Variants in SCARF1 observed in about 807,000 individuals in gnomAD.
The protein encoded by SCARF1 is scavenger receptor class F member 1.
A neutral mutation model predicts 76.3 loss-of-function variants in SCARF1; 49 were observed. That is an observed-to-expected ratio of 0.64 (90% CI 0.51 to 0.81). The LOEUF (loss-of-function observed/expected upper bound fraction) is 0.81, where lower values mean the gene tolerates loss of function less well. SCARF1 is among the 40% of genes least tolerant of loss of function. SCARF1 has a pLI of 0.00. For synonymous variants in SCARF1, 495 were observed against 474.6 expected (o/e 1.04, Z -0.56); for missense variants, 1,098 against 1,143.9 (o/e 0.96, Z 0.58).
chr17:1,642,398 T>C (rs1352611417), intron 4 of SCARF1, among the ~76,000 whole-genome samples: 2 of 137,590 alleles, frequency 1.5e-5, no homozygotes, highest in South Asian at 2.3e-4. Context: ...TGTGATTCCA[T>C]TGTTCAACTC....
chr17:1,645,077 C>T lies in SCARF1; in HGVS notation c.163+101G>A, dbSNP rs984548607. ...TGCGTCACAGGAGAAACCCTGACTCCTGGTATCAGGAGGGGCAGGCCCCAT... is the reference window on the plus strand; with the variant it reads ...TGCGTCACAGGAGAAACCCTGACTCTTGGTATCAGGAGGGGCAGGCCCCAT... On this transcript the variant is annotated intron_variant, in intron 2 of 10. Coordinates refer to ENST00000263071, the MANE Select transcript of SCARF1 (RefSeq NM_003693.4). This position sits in a 1 kb window ranked among gnomAD's most constrained non-coding sequence, Gnocchi z 6.3. 1 of 1,556,820 alleles carries T rather than the reference C, an allele frequency of 6.4e-7. No homozygotes were observed. The highest frequency in any genetic ancestry group is 1.4e-5 in the African/African-American group (1 of 73,826).
intron 7 of SCARF1, 57 bp from the exon 8 acceptor site, chr17:1,638,983 C>A (rs1236675919): frequency 6.7e-7 from 1 of 1,487,370 alleles, no homozygotes; most frequent in Non-Finnish European, 9.0e-7. Flanking sequence ...CACATCCTGT[C>A]TTTGCTCTGA....
In SCARF1 at chr17:1,634,800, C is replaced by G; in HGVS notation, c.2451G>C (p.Glu817Asp). The change falls in exon 11 of 11, where the codon GAG becomes GAC. Residue 817 changes from glutamate to aspartate, a missense_variant. By Grantham distance (45) the Glu-to-Asp change is conservative. Transcript: ENST00000263071. The stretch of plus-strand genomic sequence containing the variant: ...TGGAGATGGGTACAACATTCTCATA[C>G]TCAGGTTCCTCCTGCCTTTCCTCTT... The part of the protein sequence containing the change: ...QAEEERQEEP[E>D]YENVVPISRP... 1 of 1,610,826 alleles carries G rather than the reference C, an allele frequency of 6.2e-7. No homozygotes were observed. Among genetic ancestry groups the G allele is most frequent in the Middle Eastern group, 1.7e-4 (1 of 6,032 alleles).
At position 1,640,124 on chromosome 17, in the gene SCARF1, C is replaced by T. The variant is rs1456896615; in HGVS notation, c.1011-84G>A. The stretch of plus-strand genomic sequence containing the variant: ...GGGCCCCACCCCTCCGCCCCACGCT[C>T]CTGGACTCAAGGACCCAACTGGCCA... On this transcript the variant is annotated intron_variant, in intron 5 of 10. Transcript: ENST00000263071. This position sits in a 1 kb window ranked among gnomAD's most constrained non-coding sequence, Gnocchi z 4.7. The T allele has an allele frequency of 2.0e-6, 3 of 1,516,278 alleles. No homozygotes were observed. Among genetic ancestry groups the T allele is most frequent in the African/African-American group, 2.8e-5 (2 of 72,364 alleles). 93.9% of individuals were successfully genotyped at this position (1,516,278 alleles called of 1,614,324 possible). A position where few individuals can be genotyped will look rare whatever the true frequency, so the allele number is the denominator to read the frequency against.
chr17:1,635,868 C>T (rs997948991), intron 10 of SCARF1, among the ~76,000 whole-genome samples: 2 of 151,834 alleles, frequency 1.3e-5, no homozygotes, highest in East Asian at 1.9e-4. Context: ...GCAGTCCTCC[C>T]GCCTCAGCCT....
In SCARF1 at chr17:1,640,236, C is replaced by T. The variant is rs764131071; in HGVS notation, c.1011-196G>A. On this transcript the variant is annotated intron_variant, in intron 5 of 10. Coordinates refer to ENST00000263071, the MANE Select transcript of SCARF1 (RefSeq NM_003693.4). The surrounding 1 kb of genome is among the most constrained non-coding windows in gnomAD (Gnocchi z 4.7). Reference sequence around the variant, plus strand: ...TGACAGACTACAAGTCCCCAGAGGGCGAGGAGGGCAGGAAGCCTCAGAGGG... The same window carrying T: ...TGACAGACTACAAGTCCCCAGAGGGTGAGGAGGGCAGGAAGCCTCAGAGGG... 5.0e-5 allele frequency: 39 copies of T among 777,368 alleles called. No homozygotes were observed. The highest frequency in any genetic ancestry group is 1.9e-4 in the African/African-American group (11 of 56,966). 48.2% of individuals were successfully genotyped at this position (777,368 alleles called of 1,614,324 possible). A position where few individuals can be genotyped will look rare whatever the true frequency, so the allele number is the denominator to read the frequency against.
At position 1,644,107 on chromosome 17, in the gene SCARF1, C is replaced by T; in HGVS notation, c.266-140G>A. ...ACAGACCCTCAGAACATCCGGCAGC[C>T]TGTCCTGGGCAACACTCACTTCCTG... On this transcript the variant is annotated intron_variant, in intron 3 of 10. Transcript: ENST00000263071. This position sits in a 1 kb window ranked among gnomAD's most constrained non-coding sequence, Gnocchi z 4.8. The T allele has an allele frequency of 1.6e-6, 1 of 619,992 alleles. No individual in the cohort carries two copies. The highest frequency in any genetic ancestry group is 2.3e-6 in the Non-Finnish European group (1 of 426,278). 38.4% of individuals were successfully genotyped at this position (619,992 alleles called of 1,614,324 possible).
At position 1,634,665 on chromosome 17, in the gene SCARF1, G is replaced by C. The variant is rs1909363266; in HGVS notation, c.*93C>G. 6.8e-7 allele frequency: 1 copy of C among 1,466,712 alleles called. No homozygotes were observed. The highest frequency in any genetic ancestry group is 9.1e-7 in the Non-Finnish European group (1 of 1,101,248). The allele number at this position is 1,466,712 out of a possible 1,614,324, so 90.9% of individuals were successfully genotyped here. ...GCCTTTTCCCTGTGGAGGCGCAGAG[G>C]CTCTGGTTTGTCTGTCCTGGCCCCG... On this transcript the variant is annotated 3_prime_UTR_variant, in exon 11 of 11. Transcript: ENST00000263071.
chr17:1,638,889 G>C lies in SCARF1; in HGVS notation c.1281C>G (p.Ser427Arg), dbSNP rs753912025. 6.2e-7 allele frequency: 1 copy of C among 1,610,254 alleles called. No individual in the cohort carries two copies. The highest frequency in any genetic ancestry group is 8.5e-7 in the Non-Finnish European group (1 of 1,177,892). ...GSRDTALIAG[S>R]LVPLLLLFLG... ...GGAAGAGCAGCAGCAGAGGCACAAG[G>C]CTGCCCGCGATGAGGGCAGTGTCCC... Residue 427 changes from serine (S) to arginine (R), a missense_variant, in exon 8 of 11, where the codon AGC becomes AGG. By Grantham distance (110) the Ser-to-Arg change is moderately radical. Transcript: ENST00000263071.
intron 7 of SCARF1, 33 bp downstream of exon 7, chr17:1,639,606 G>A: frequency 6.7e-6 from 10 of 1,496,726 alleles, no homozygotes; most frequent in Non-Finnish European, 9.1e-6. Flanking sequence ...CCTTTCCCTG[G>A]CTACTGCACC....
intron 4 of SCARF1, among the ~76,000 whole-genome samples, chr17:1,641,843 T>C (rs1910078899): frequency 6.6e-6 from 1 of 152,218 alleles, no homozygotes; most frequent in Admixed American, 6.5e-5. Context: ...TGCCTCAGCC[T>C]CCCAAGTAGC....
Position 1,645,442 on chromosome 17 carries a change from G to T in SCARF1, c.101+155C>A. 1 of 1,503,862 alleles carries T rather than the reference G, an allele frequency of 6.6e-7. No homozygotes were observed. The highest frequency in any genetic ancestry group is 8.9e-7 in the Non-Finnish European group (1 of 1,125,292). 93.2% of individuals were successfully genotyped at this position (1,503,862 alleles called of 1,614,324 possible). On this transcript the variant is annotated intron_variant, in intron 1 of 10. Coordinates refer to ENST00000263071, the MANE Select transcript of SCARF1 (RefSeq NM_003693.4). The surrounding 1 kb of genome is among the most constrained non-coding windows in gnomAD (Gnocchi z 6.3). The stretch of plus-strand genomic sequence containing the variant: ...CATCTGCCCTGGCTGGCCACTACCT[G>T]CCAGACCGCCATCAGCAGTCCCTTC...
chr17:1,641,405 CTCCCACTGAT>C (rs1046147373), intron 4 of SCARF1, among the ~76,000 whole-genome samples: 11 of 152,180 alleles, frequency 7.2e-5, no homozygotes, highest in Non-Finnish European at 1.3e-4. Flanking sequence ...AAGCTCAGGG[CTCCCACTGAT>C]TCTATATTAT....
Position 1,640,291 on chromosome 17 carries a change from C to G in SCARF1, c.1010+157G>C, listed in dbSNP as rs371739395. On this transcript the variant is annotated intron_variant, in intron 5 of 10. Coordinates refer to ENST00000263071, the MANE Select transcript of SCARF1 (RefSeq NM_003693.4). The surrounding 1 kb of genome is among the most constrained non-coding windows in gnomAD (Gnocchi z 4.7). ...GAGCTGGGATCCTGCCCAGGCCCCC[C>G]CAGAACCCACTGCTCTCCCCCAGTC... The G allele has an allele frequency of 6.2e-4, 508 of 817,340 alleles. 1 individual carries two copies. In the East Asian group the frequency reaches 0.011, roughly 17 times the overall value. 50.6% of individuals were successfully genotyped at this position (817,340 alleles called of 1,614,324 possible). A position where few individuals can be genotyped will look rare whatever the true frequency, so the allele number is the denominator to read the frequency against.
In SCARF1 at chr17:1,643,671, GC is replaced by G. The variant is rs1302084657; in HGVS notation, c.561del (p.Arg188AlafsTer179). On this transcript the variant is annotated frameshift_variant, in exon 4 of 11. Transcript: ENST00000263071. LOFTEE classifies it high-confidence loss of function. Reference sequence around the variant, plus strand: ...CAGTTGCAGCGGAAGCTGCAGCGGCGCCCCCACCAGCCCGGCTTGCACACGC... The same window carrying G: ...CAGTTGCAGCGGAAGCTGCAGCGGCGCCCCACCAGCCCGGCTTGCACACGC... Reference protein sequence around the residue: ...GACVCKPGWWGRRCSFRCNCH... With the variant: ...GACVCKPGWWXRRCSFRCNCH... 1 of 1,464,124 alleles carries G rather than the reference GC, an allele frequency of 6.8e-7. No homozygotes were observed. The allele number at this position is 1,464,124 out of a possible 1,614,324, so 90.7% of individuals were successfully genotyped here.
chr17:1,638,668 CAG>C, intron 8 of SCARF1, 136 bp downstream of exon 8: 16 of 1,223,554 alleles, frequency 1.3e-5, no homozygotes, highest in Non-Finnish European at 1.4e-5. Context: ...GCGACAAGGC[CAG>C]CCCTCCCCAC....
Position 1,640,599 on chromosome 17 carries a change from C to T in SCARF1, c.859G>A (p.Gly287Ser). The change falls in exon 5 of 11, where the codon GGC becomes AGC. Residue 287 changes from glycine to serine, a missense_variant. Transcript: ENST00000263071. This position sits in a 1 kb window ranked among gnomAD's most constrained non-coding sequence, Gnocchi z 4.7. ...TGCTGGCACTGGGTCCCGTTCCAGC[C>T]CGGCTCGCAGGACTCACAGCTGCCT... ...DTGSCESCEP[G>S]WNGTQCQQPC... 6.2e-7 allele frequency: 1 copy of T among 1,612,316 alleles called. No individual in the cohort carries two copies. The highest frequency in any genetic ancestry group is 8.5e-7 in the Non-Finnish European group (1 of 1,179,706).
chr17:1,640,239 G>A lies in SCARF1; in HGVS notation c.1011-199C>T. On this transcript the variant is annotated intron_variant, in intron 5 of 10. Coordinates refer to ENST00000263071, the MANE Select transcript of SCARF1 (RefSeq NM_003693.4). This position sits in a 1 kb window ranked among gnomAD's most constrained non-coding sequence, Gnocchi z 4.7. ...CAGACTACAAGTCCCCAGAGGGCGA[G>A]GAGGGCAGGAAGCCTCAGAGGGGAG... 3.9e-6 allele frequency: 3 copies of A among 771,716 alleles called. No homozygotes were observed. The highest frequency in any genetic ancestry group is 6.1e-6 in the Non-Finnish European group (3 of 491,256). The allele number at this position is 771,716 out of a possible 1,614,324, so 47.8% of individuals were successfully genotyped here. A position where few individuals can be genotyped will look rare whatever the true frequency, so the allele number is the denominator to read the frequency against.
In SCARF1 at chr17:1,645,324, TG is replaced by T; in HGVS notation, c.102-86del. The T allele has an allele frequency of 6.5e-7, 1 of 1,526,822 alleles. No homozygotes were observed. The highest frequency in any genetic ancestry group is 8.9e-7 in the Non-Finnish European group (1 of 1,121,028). The allele number at this position is 1,526,822 out of a possible 1,614,324, so 94.6% of individuals were successfully genotyped here. A position where few individuals can be genotyped will look rare whatever the true frequency, so the allele number is the denominator to read the frequency against. On this transcript the variant is annotated intron_variant, in intron 1 of 10. Coordinates refer to ENST00000263071, the MANE Select transcript of SCARF1 (RefSeq NM_003693.4). The surrounding 1 kb of genome is among the most constrained non-coding windows in gnomAD (Gnocchi z 6.3). ...GGTGGATCACTGTCTCTGGCTGCAG[TG>T]GGGGAGGCTGCCTTAGCCCCCTGGG... is the stretch of plus-strand genomic sequence containing the variant.
Sources: allele counts gnomAD v4.1 joint callset (sites outside exome capture counted in the v4.1 genomes callset), GRCh38; gene constraint gnomAD v4.1.1; non-coding constraint Gnocchi (gnomAD v3.1); transcripts MANE v1.5; gene names NCBI Gene and HGNC (gene_info 2026-07-23, HGNC 2026-07-21).